The following PTBP3 variants were observed in gnomAD, a reference collection of about 807,000 sequenced individuals.
PTBP3 encodes the protein polypyrimidine tract-binding protein 3.
PTBP3 carries 20 observed loss-of-function variants against 58.7 expected under a neutral mutation model. That is an observed-to-expected ratio of 0.34 (90% confidence interval 0.24 to 0.50). The LOEUF is 0.50. Among genes scored for constraint, PTBP3 ranks in the 20% least tolerant of loss-of-function variants. The pLI, the probability that PTBP3 is intolerant of heterozygous loss-of-function variation, is 0.98. For missense variants in PTBP3, 509 were observed against 637.2 expected (o/e 0.80, Z 2.17); for synonymous variants, 185 against 219.8 (o/e 0.84, Z 1.40).
chr9:112,228,093 A>G (rs3736985), intron 11 of PTBP3, among the ~76,000 whole-genome samples: 82,509 of 151,994 alleles, frequency 0.54, 23,617 homozygotes, highest in African/African-American at 0.74. Flanking sequence ...TAAATTAAAA[A>G]AATGAAATAA....
chr9:112,263,091 G>A (rs1836665933), intron 4 of PTBP3, among the ~76,000 whole-genome samples: 1 of 152,140 alleles, frequency 6.6e-6, no homozygotes, highest in South Asian at 2.1e-4. Flanking sequence ...GGCAGGGGGA[G>A]GGAGCGTTGA....
At chr9:112,311,858 G>C (rs1462086284) in intron 1 of PTBP3, among the ~76,000 whole-genome samples, 7 of 152,314 alleles carry the variant, frequency 4.6e-5, no homozygotes, top group African/African-American at 1.4e-4. Flanking sequence ...TGAAGCAAGA[G>C]GATCATCAGA....
chr9:112,330,403 A>G (rs752730948), intron 1 of PTBP3: 1 of 1,412,942 alleles, frequency 7.1e-7, no homozygotes, highest in Non-Finnish European at 9.8e-7. Context: ...GCCAAAAGAT[A>G]TAAAAATGCA....
At chr9:112,231,966 AG>A (rs1835232363) in intron 9 of PTBP3, 132 bp downstream of exon 9, 2 of 181,512 alleles carry the variant, frequency 1.1e-5, no homozygotes, top group Admixed American at 1.2e-4. Flanking sequence ...AGAGAAGAGA[AG>A]AGAGAAGAGA....
intron 1 of PTBP3, chr9:112,332,720 C>G (rs1830425636): frequency 6.3e-7 from 1 of 1,585,346 alleles, no homozygotes; most frequent in Non-Finnish European, 8.6e-7. Flanking sequence ...GTCACGGACC[C>G]CCATTAAATT....
intron 2 of PTBP3, among the ~76,000 whole-genome samples, chr9:112,283,945 T>C (rs2132246549): frequency 1.3e-5 from 2 of 152,244 alleles, no homozygotes; most frequent in South Asian, 4.1e-4. Flanking sequence ...TTCCATGTGG[T>C]GTTGGGTCTG....
chr9:112,290,738 A>ACACACT (rs1564438731), intron 2 of PTBP3, among the ~76,000 whole-genome samples: 60 of 148,574 alleles, frequency 4.0e-4, no homozygotes, highest in African/African-American at 1.4e-3. Context: ...ACACACACAC[A>ACACACT]ATCAAGTGTT....
chr9:112,272,972 T>C (rs1827454380), intron 3 of PTBP3: 1 of 152,246 alleles, frequency 6.6e-6, no homozygotes, highest in African/African-American at 2.4e-5. Flanking sequence ...TCAAACTATT[T>C]GTTTTCAGTT....
At chr9:112,294,439 AC>A in intron 2 of PTBP3, among the ~76,000 whole-genome samples, 1 of 152,278 alleles carries the variant, frequency 6.6e-6, no homozygotes, top group Non-Finnish European at 1.5e-5. Context: ...GACTGCCTGA[AC>A]CCAGGAGGTT....
chr9:112,286,733 G>A (rs1194321477), intron 2 of PTBP3, among the ~76,000 whole-genome samples: 1 of 152,126 alleles, frequency 6.6e-6, no homozygotes, highest in East Asian at 1.9e-4. Flanking sequence ...TTATCATGCT[G>A]TATAAAACTC....
In PTBP3 at chr9:112,223,697, A is replaced by G; in HGVS notation, c.*154T>C. ...TGGCGGGGGCAGGGGGAATACAAAA[A>G]AAAAAAATCCCTTGATTTTTAAAAT... On this transcript the variant is annotated 3_prime_UTR_variant, in exon 14 of 14. Transcript: ENST00000374257. 1.5e-6 allele frequency: 2 copies of G among 1,362,928 alleles called. No homozygotes were observed. Among genetic ancestry groups the G allele is most frequent in the Non-Finnish European group, 1.9e-6 (2 of 1,060,114 alleles). The allele number at this position is 1,362,928 out of a possible 1,614,324, so 84.4% of individuals were successfully genotyped here. A position where few individuals can be genotyped will look rare whatever the true frequency, so the allele number is the denominator to read the frequency against.
the PTBP3 span, among the ~76,000 whole-genome samples, chr9:112,348,577 A>C: frequency 6.6e-6 from 1 of 152,258 alleles, no homozygotes; most frequent in Non-Finnish European, 1.5e-5. Context: ...CTCCGAAGGA[A>C]GAATCGGGAG....
Position 112,293,561 on chromosome 9 carries a change from C to T in PTBP3, c.34+4271G>A, listed in dbSNP as rs569774646. Among the ~76,000 whole-genome samples, 46 of 152,310 alleles carry T rather than the reference C, an allele frequency of 3.0e-4. 1 individual carries two copies. Among genetic ancestry groups the T allele is most frequent in the African/African-American group, 7.2e-4 (30 of 41,562 alleles). ...GACACACCAGAATAAAGACCAATTT[C>T]CTAGACCCTTCACCCTCGCCCCCTT... On this transcript the variant is annotated intron_variant, in intron 2 of 13. Transcript: ENST00000374257.
the PTBP3 span, among the ~76,000 whole-genome samples, chr9:112,348,898 C>A: frequency 1.6e-3 from 248 of 152,296 alleles, 1 homozygote; most frequent in African/African-American, 5.8e-3. Flanking sequence ...ACTCCACTCA[C>A]GGGTTGAGAA....
At chr9:112,245,023 G>A (rs181046786) in intron 7 of PTBP3, among the ~76,000 whole-genome samples, 1 of 152,210 alleles carries the variant, frequency 6.6e-6, no homozygotes, top group African/African-American at 2.4e-5. Flanking sequence ...TAAGTACTAA[G>A]CTCAGCCGGG....
chr9:112,234,572 G>C (rs550740407), intron 8 of PTBP3, among the ~76,000 whole-genome samples: 1 of 152,260 alleles, frequency 6.6e-6, no homozygotes, highest in South Asian at 2.1e-4. Flanking sequence ...ATAGTTATTT[G>C]TGCCAAAAGC....
At chr9:112,371,646 A>AT in the PTBP3 span, among the ~76,000 whole-genome samples, 82,004 of 126,660 alleles carry the variant, frequency 0.65, 27,783 homozygotes, top group Non-Finnish European at 0.75. Flanking sequence ...TTTTTAGTAG[A>AT]TTTTTTTTTT....
intron 1 of PTBP3, among the ~76,000 whole-genome samples, chr9:112,308,417 A>T (rs1829326137): frequency 6.6e-6 from 1 of 152,004 alleles, no homozygotes; most frequent in African/African-American, 2.4e-5. Flanking sequence ...TTCTCCTGAA[A>T]ACATATCACT....
chr9:112,270,750 C>G (rs1827348565), intron 3 of PTBP3, among the ~76,000 whole-genome samples: 1 of 152,196 alleles, frequency 6.6e-6, no homozygotes. Flanking sequence ...TTACCCACCA[C>G]TACCACCAAC....
Sources: gnomAD v4.1 joint callset for allele counts (sites outside exome capture counted in the v4.1 genomes callset) on GRCh38, gnomAD v4.1.1 for gene constraint, MANE v1.5 for transcripts, NCBI Gene and HGNC (gene_info 2026-07-23, HGNC 2026-07-21) for gene names.